CARHSP1: variants seen among roughly 807,000 people sequenced by gnomAD.
CARHSP1 encodes calcium-regulated heat-stable protein 1.
A neutral mutation model predicts 12.5 loss-of-function variants in CARHSP1; 14 were observed. That is an observed-to-expected ratio of 1.12 (90% CI 0.74 to 1.75). The LOEUF (loss-of-function observed/expected upper bound fraction) is 1.75. CARHSP1 is among the 40% of genes most tolerant of loss of function. CARHSP1 has a pLI of 0.00. For synonymous variants in CARHSP1, 161 were observed against 82.0 expected (o/e 1.96, Z -5.20); for missense variants, 343 against 201.6 (o/e 1.70, Z -4.25).
intron 1 of CARHSP1, among the ~76,000 whole-genome samples, chr16:8,863,391 G>C (rs1294493725): frequency 1.3e-5 from 2 of 152,140 alleles, no homozygotes; most frequent in Non-Finnish European, 2.9e-5. Context: ...GGGATTACAG[G>C]CGTGAGCCAC....
chr16:8,858,067 C>T (rs1465654339), intron 3 of CARHSP1: 2 of 428,178 alleles, frequency 4.7e-6, no homozygotes, highest in Non-Finnish European at 4.3e-6. Flanking sequence ...CCAGCACACA[C>T]AAAACCTTAC....
intron 1 of CARHSP1, among the ~76,000 whole-genome samples, chr16:8,862,053 A>T (rs958518042): frequency 3.9e-5 from 5 of 127,914 alleles, no homozygotes; most frequent in African/African-American, 1.5e-4. Context: ...CCCAGGCTGG[A>T]GTGCAATGGC....
intron 2 of CARHSP1, 111 bp downstream of exon 2, chr16:8,859,060 C>T: frequency 9.5e-6 from 10 of 1,049,542 alleles, no homozygotes; most frequent in Non-Finnish European, 1.2e-5. Context: ...CCAGGTCTGC[C>T]TATTTGGCAG....
chr16:8,854,261 C>T lies in CARHSP1; in HGVS notation c.*903G>A, dbSNP rs182781507. The T allele has an allele frequency of 6.6e-6, 1 of 152,262 alleles. No homozygotes were observed. The highest frequency in any genetic ancestry group is 2.4e-5 in the African/African-American group (1 of 41,546). 9.4% of individuals were successfully genotyped at this position (152,262 alleles called of 1,614,324 possible). On this transcript the variant is annotated 3_prime_UTR_variant, in exon 4 of 4. Transcript: ENST00000311052. ...TCTCCTTCAACTTTCTTGACTTTGC[C>T]AGGCTGTCAGGATGCAAGCTACCTA...
rs147651455 is a variant in CARHSP1, at chr16:8,855,736, G to A, written c.282-410C>T. Among the ~76,000 whole-genome samples the A allele has an allele frequency of 3.9e-3, 589 of 152,314 alleles. 10 individuals are homozygous for A. Among genetic ancestry groups the A allele is most frequent in the African/African-American group, 0.013 (555 of 41,568 alleles). On this transcript the variant is annotated intron_variant, in intron 3 of 3. Transcript: ENST00000311052. ...CGAGTTGAGGGGTGGCCTGGGCAGGGCTTTCCTGAGGTCCTCAGCACTGCA... is the reference window on the plus strand; with the variant it reads ...CGAGTTGAGGGGTGGCCTGGGCAGGACTTTCCTGAGGTCCTCAGCACTGCA...
rs145517221 is a variant in CARHSP1 at position 8,859,303 on chromosome 16, G to A, written c.26C>T (p.Pro9Leu). Reference sequence around the variant, plus strand: ...TGAAGCTTGATGGGTGGGGGGCTGTGGTGGTGGGGGAGGCTCAGATGACAT... The same window carrying A: ...TGAAGCTTGATGGGTGGGGGGCTGTAGTGGTGGGGGAGGCTCAGATGACAT... Reference protein sequence around the residue: MSSEPPPPPQPPTHQASVG... With the variant: MSSEPPPPLQPPTHQASVG... The change falls in exon 2 of 4, where the codon CCA becomes CTA. Residue 9 changes from proline to leucine, a missense_variant. Physicochemically the swap from Pro to Leu is moderately conservative, Grantham distance 98 (BLOSUM62 -3). Transcript: ENST00000311052. 67 of 1,602,440 alleles carry A rather than the reference G, an allele frequency of 4.2e-5. No individual in the cohort carries two copies. The highest frequency in any genetic ancestry group is 5.0e-5 in the Non-Finnish European group (59 of 1,178,156).
At chr16:8,860,129 G>T in intron 1 of CARHSP1, 1 of 985,348 alleles carries the variant, frequency 1.0e-6, no homozygotes, top group Non-Finnish European at 1.2e-6. Flanking sequence ...CGCCTCCAGG[G>T]AACTGTGGAA....
intron 1 of CARHSP1, chr16:8,860,585 G>A (rs1370062822): frequency 1.1e-6 from 1 of 922,838 alleles, no homozygotes; most frequent in Non-Finnish European, 1.3e-6. Context: ...TGCAAAGTGG[G>A]GCAGCTGGGT....
chr16:8,858,964 C>A (rs1206417710), intron 2 of CARHSP1: 2 of 488,440 alleles, frequency 4.1e-6, no homozygotes, highest in Non-Finnish European at 7.2e-6. Context: ...CCACTCCCAG[C>A]TGGTAACAGG....
chr16:8,858,518 G>GAGAGGGGGAAATGTCAGGGGCCCCAT, intron 2 of CARHSP1, 46 bp from the exon 3 acceptor site: 1 of 1,601,366 alleles, frequency 6.2e-7, no homozygotes. Context: ...GCGCTCCTGG[G>GAGAGGGGGAAATGTCAGGGGCCCCAT]CACACAAAGC....
chr16:8,860,127 G>C lies in CARHSP1; in HGVS notation c.-7-792C>G, dbSNP rs141169212. The C allele has an allele frequency of 1.9e-3, 1,893 of 985,414 alleles. 4 individuals are homozygous for C. Among genetic ancestry groups the C allele is most frequent in the Non-Finnish European group, 2.0e-3 (1,645 of 829,902 alleles). The allele number at this position is 985,414 out of a possible 1,614,324, so 61.0% of individuals were successfully genotyped here. A position where few individuals can be genotyped will look rare whatever the true frequency, so the allele number is the denominator to read the frequency against. ...GACCCTCACGCAGTGTCCGCCTCCA[G>C]GGAACTGTGGAACACGTCGCAGAGA... On this transcript the variant is annotated intron_variant, in intron 1 of 3. Coordinates refer to ENST00000311052, the MANE Select transcript of CARHSP1 (RefSeq NM_014316.4).
At chr16:8,866,062 T>C (rs1203058669) in intron 1 of CARHSP1, among the ~76,000 whole-genome samples, 1 of 152,110 alleles carries the variant, frequency 6.6e-6, no homozygotes, top group East Asian at 1.9e-4. Flanking sequence ...CAAGGGATCC[T>C]CTCACTTCAG....
chr16:8,862,553 C>A (rs2061384756), intron 1 of CARHSP1, among the ~76,000 whole-genome samples: 1 of 151,732 alleles, frequency 6.6e-6, no homozygotes, highest in African/African-American at 2.4e-5. Context: ...AAGAAACAGA[C>A]AGAAGGGGAT....
chr16:8,855,406 TCA>T (rs1356527014), intron 3 of CARHSP1, 80 bp from the exon 4 acceptor site: 2 of 1,293,818 alleles, frequency 1.5e-6, no homozygotes, highest in East Asian at 2.7e-5. Context: ...ACCCTTCTGG[TCA>T]CACAGCCACC....
chr16:8,859,105 A>C, intron 2 of CARHSP1, 66 bp downstream of exon 2: 3 of 1,447,834 alleles, frequency 2.1e-6, no homozygotes, highest in Non-Finnish European at 2.8e-6. Flanking sequence ...CCAGAGACAC[A>C]GTGAATCTCT....
At chr16:8,861,502 G>C (rs2061353965) in intron 1 of CARHSP1, 1 of 812,564 alleles carries the variant, frequency 1.2e-6, no homozygotes, top group African/African-American at 1.8e-5. Flanking sequence ...TTCAAGCATA[G>C]CCACCCAAGA....
intron 3 of CARHSP1, among the ~76,000 whole-genome samples, chr16:8,857,299 T>C (rs1308847347): frequency 1.1e-5 from 1 of 92,268 alleles, no homozygotes; most frequent in East Asian, 3.5e-4. Context: ...TTTTTTTTTT[T>C]GAGATGGAGT....
In CARHSP1 at chr16:8,853,900, A is replaced by G. The variant is rs1192335009; in HGVS notation, c.*1264T>C. 3 of 152,242 alleles carry G rather than the reference A, an allele frequency of 2.0e-5. No individual in the cohort carries two copies. Among genetic ancestry groups the G allele is most frequent in the Admixed American group, 2.0e-4 (3 of 15,282 alleles). 9.4% of individuals were successfully genotyped at this position (152,242 alleles called of 1,614,324 possible). ...CAGGGGTTCAAGACCATCCTGCCCA[A>G]CATGATGAAACCTGGTCTCTACTAA... On this transcript the variant is annotated 3_prime_UTR_variant, in exon 4 of 4. Coordinates refer to ENST00000311052, the MANE Select transcript of CARHSP1 (RefSeq NM_014316.4).
chr16:8,859,728 AGCACTCTG>A (rs1207554875), intron 1 of CARHSP1: 1 of 161,554 alleles, frequency 6.2e-6, no homozygotes, highest in Non-Finnish European at 1.3e-5. Flanking sequence ...CTGCAATCCC[AGCACTCTG>A]GGAGGCCGAG....
Sources: gnomAD v4.1 joint callset for allele counts (sites outside exome capture counted in the v4.1 genomes callset) on GRCh38, gnomAD v4.1.1 for gene constraint, MANE v1.5 for transcripts, NCBI Gene and HGNC (gene_info 2026-07-23, HGNC 2026-07-21) for gene names.